The following PUS3 variants were observed in gnomAD, a reference collection of about 807,000 sequenced individuals.
PUS3 encodes the protein pseudouridine synthase 3.
A neutral mutation model predicts 43.3 loss-of-function variants in PUS3; 36 were observed. The ratio of observed to expected loss-of-function variants is 0.83; its 90% CI spans 0.64 to 1.10. The LOEUF is 1.10. Ranked by LOEUF, PUS3 falls within the 50% of genes least tolerant of loss-of-function variation. The probability of loss-of-function intolerance (pLI) is 0.00; values close to 1 mark genes in which losing one functional copy is unlikely to be tolerated. For missense variants in PUS3, 544 were observed against 589.9 expected, an observed-to-expected ratio of 0.92 and a Z score of 0.81; for synonymous variants, 183 against 199.2, an observed-to-expected ratio of 0.92 and a Z score of 0.69.
chr11:125,898,121 T>C (rs963582057), intron 1 of PUS3, among the ~76,000 whole-genome samples: 1 of 152,174 alleles, frequency 6.6e-6, no homozygotes, highest in Non-Finnish European at 1.5e-5. Context: ...CATGTGAATA[T>C]GGAAAATTTC....
Position 125,894,272 on chromosome 11 carries a change from A to T in PUS3, c.959T>A (p.Phe320Tyr). The T allele has an allele frequency of 6.2e-7, 1 of 1,607,332 alleles. No individual in the cohort carries two copies. Among genetic ancestry groups the T allele is most frequent in the Non-Finnish European group, 8.5e-7 (1 of 1,174,838 alleles). ...QKPQYSMAVE[F>Y]PLVLYDCKFE... ...CTTACAGTCATATAAGACTAGAGGA[A>T]ATTCTACAGCCATACTAGAGAAAAA... Residue 320 changes from phenylalanine (F) to tyrosine (Y), a missense_variant, in exon 4 of 4, where the codon TTT becomes TAT. Coordinates refer to ENST00000227474, the MANE Select transcript of PUS3 (RefSeq NM_031307.4).
chr11:125,902,162 C>T (rs576718725), intron 1 of PUS3, among the ~76,000 whole-genome samples: 1 of 152,230 alleles, frequency 6.6e-6, no homozygotes, highest in Admixed American at 6.5e-5. Context: ...ACACCTTACC[C>T]TAATTCAGGG....
At chr11:125,899,276 T>G in intron 1 of PUS3, 1 of 1,122,150 alleles carries the variant, frequency 8.9e-7, no homozygotes, top group Admixed American at 2.0e-5. Context: ...AAAACGGAGA[T>G]AAGGGAATGA....
intron 1 of PUS3, among the ~76,000 whole-genome samples, chr11:125,901,021 A>AG (rs1944757897): frequency 6.6e-6 from 1 of 152,018 alleles, no homozygotes; most frequent in Non-Finnish European, 1.5e-5. Context: ...AAAAAAAAAA[A>AG]AAAAAAGAAG....
At chr11:125,900,494 C>T in intron 1 of PUS3, 1 of 538,652 alleles carries the variant, frequency 1.9e-6, no homozygotes, top group South Asian at 2.1e-5. Flanking sequence ...AGAGAAAGAA[C>T]AACAGACCTG....
chr11:125,901,008 C>CAAAAAAAAAAAAAAAAAAAAGAAAAA (rs10533810), intron 1 of PUS3, among the ~76,000 whole-genome samples: 1 of 125,652 alleles, frequency 8.0e-6, no homozygotes, highest in Non-Finnish European at 1.7e-5. Context: ...GACTCCGTCT[C>CAAAAAAAAAAAAAAAAAAAAGAAAAA]AAAAAAAAAA....
chr11:125,900,389 C>G, intron 1 of PUS3: 1 of 911,548 alleles, frequency 1.1e-6, no homozygotes. Flanking sequence ...AGGACTTCAC[C>G]TATCATTGGT....
Position 125,895,723 on chromosome 11 carries a change from C to G in PUS3, c.445G>C (p.Glu149Gln). The change falls in exon 3 of 4, where the codon GAG becomes CAG. Residue 149 changes from glutamate (E) to glutamine (Q), a missense_variant. By Grantham distance (29) the Glu-to-Gln change is conservative. Transcript: ENST00000227474. ...TCTTCAGCAGCAGCATTAGCCTCCT[C>G]TTTTACATTAAAGTCCTCGGAATCC... ...GRDSEDFNVKEEANAAAEEIR... is the reference protein window; with the variant it reads ...GRDSEDFNVKQEANAAAEEIR... 6.2e-7 allele frequency: 1 copy of G among 1,613,432 alleles called. No individual in the cohort carries two copies. The highest frequency in any genetic ancestry group is 8.5e-7 in the Non-Finnish European group (1 of 1,179,910).
At chr11:125,902,785 A>C (rs1324834448) in intron 1 of PUS3, among the ~76,000 whole-genome samples, 1 of 151,820 alleles carries the variant, frequency 6.6e-6, no homozygotes, top group Non-Finnish European at 1.5e-5. Flanking sequence ...TCCCCAAAAT[A>C]ATTTGAAAAT....
intron 2 of PUS3, 58 bp from the exon 3 acceptor site, chr11:125,895,847 T>G (rs1465364055): frequency 1.3e-6 from 2 of 1,586,028 alleles, no homozygotes; most frequent in African/African-American, 2.7e-5. Context: ...CAGTACTCAG[T>G]GTGTATACCT....
Position 125,900,348 on chromosome 11 carries a change from C to G in PUS3, c.-47+2822G>C, listed in dbSNP as rs115150284. 1,350 of 1,372,028 alleles carry G rather than the reference C, an allele frequency of 9.8e-4. 16 individuals are homozygous for G. The African/African-American group carries it at 0.017, about 18-fold the overall frequency. 85.0% of individuals were successfully genotyped at this position (1,372,028 alleles called of 1,614,324 possible). A position where few individuals can be genotyped will look rare whatever the true frequency, so the allele number is the denominator to read the frequency against. ...TTCCCTTTTAAATAGAAACAACTGT[C>G]TTGAGAAGCTCTTCGAAACATTTTA... On this transcript the variant is annotated intron_variant, in intron 1 of 3. Transcript: ENST00000227474.
At chr11:125,902,599 T>TA (rs55792535) in intron 1 of PUS3, among the ~76,000 whole-genome samples, 11,480 of 117,242 alleles carry the variant, frequency 0.098, 1,394 homozygotes, top group African/African-American at 0.29. Flanking sequence ...GCGACAGTCT[T>TA]AAAAAAAAAA....
chr11:125,900,124 A>T (rs1944720353), intron 1 of PUS3: 1 of 1,614,212 alleles, frequency 6.2e-7, no homozygotes, highest in Non-Finnish European at 8.5e-7. Context: ...CAGAACCCCA[A>T]TCCAAACCTC....
chr11:125,894,133 T>A lies in PUS3; in HGVS notation c.1098A>T (p.Leu366=). The change falls in exon 4 of 4, where the codon CTA becomes CTT. Residue 366 remains leucine (L), a synonymous_variant. Transcript: ENST00000227474. ...AVKTHMLYSM[L]QGLDTVPVPC... is the part of the protein sequence containing the mutation. ...GTACTGGAACAGTGTCCAGTCCTTG[T>A]AGCATACTATACAACATGTGAGTTT... is the stretch of plus-strand genomic sequence containing the variant. 6.2e-7 allele frequency: 1 copy of A among 1,614,180 alleles called. No homozygotes were observed.
intron 3 of PUS3, 29 bp downstream of exon 3, chr11:125,895,195 G>C: frequency 6.6e-7 from 1 of 1,518,768 alleles, no homozygotes. Flanking sequence ...CTACAGGCAT[G>C]TGCCATTTAT....
intron 1 of PUS3, chr11:125,899,024 A>G (rs1944676341): frequency 4.4e-6 from 1 of 227,782 alleles, no homozygotes; most frequent in Non-Finnish European, 8.7e-6. Context: ...TACCTGTTAC[A>G]TAATGTGCAT....
Position 125,895,557 on chromosome 11 carries a change from A to C in PUS3, c.611T>G (p.Leu204Ter), listed in dbSNP as rs751448230. Residue 204 changes from leucine to a stop codon, truncating the protein, a stop_gained, in exon 3 of 4, where the codon TTA (leucine) becomes TGA (stop). Coordinates refer to ENST00000227474, the MANE Select transcript of PUS3 (RefSeq NM_031307.4). LOFTEE classifies it high-confidence loss of function. ...TGCATAATCCATGGTTACAATATCTAAATCAGCACGAGGGAAAAAATAGCG... is the reference window on the plus strand; with the variant it reads ...TGCATAATCCATGGTTACAATATCTCAATCAGCACGAGGGAAAAAATAGCG... Reference protein sequence around the residue: ...TYRYFFPRADLDIVTMDYAAQ... With the variant: ...TYRYFFPRAD 2.5e-6 allele frequency: 4 copies of C among 1,614,102 alleles called. No individual in the cohort carries two copies. Among genetic ancestry groups the C allele is most frequent in the Non-Finnish European group, 3.4e-6 (4 of 1,180,054 alleles).
At position 125,896,073 on chromosome 11, in the gene PUS3, T is replaced by G. The variant is rs761792490; in HGVS notation, c.212A>C (p.Tyr71Ser). 2 of 1,614,246 alleles carry G rather than the reference T, an allele frequency of 1.2e-6. No individual in the cohort carries two copies. The highest frequency in any genetic ancestry group is 1.7e-6 in the Non-Finnish European group (2 of 1,180,036). Residue 71 changes from tyrosine to serine, a missense_variant, in exon 2 of 4, where the codon TAT (tyrosine) becomes TCT (serine). Transcript: ENST00000227474. ...AAAGCCCTGGTATCCCCAGCCCATA[T>G]AGGCTATTCTTAGGGCTACGTGTCT... is the stretch of plus-strand genomic sequence containing the variant. Reference protein sequence around the residue: ...GRRHVALRIAYMGWGYQGFAS... With the variant: ...GRRHVALRIASMGWGYQGFAS...
Position 125,896,012 on chromosome 11 carries a change from C to A in PUS3, c.273G>T (p.Glu91Asp), listed in dbSNP as rs778490543. 4 of 1,614,190 alleles carry A rather than the reference C, an allele frequency of 2.5e-6. No homozygotes were observed. The Admixed American group carries it at 5.0e-5, about 20-fold the overall frequency. The change falls in exon 2 of 4, where the codon GAG becomes GAT. Residue 91 changes from glutamate (E) to aspartate (D), a missense_variant. Glu to Asp is a conservative substitution (Grantham distance 45, BLOSUM62 2). Transcript: ENST00000227474. ...TCTTGGTTAGAGCTTCAAACAGTTT[C>A]TCTTCAATGGTATTATTTGTGTTTT... Reference protein sequence around the residue: ...SQENTNNTIEEKLFEALTKTR... With the variant: ...SQENTNNTIEDKLFEALTKTR...
Sources: gnomAD v4.1 joint callset for allele counts (sites outside exome capture counted in the v4.1 genomes callset) on GRCh38, gnomAD v4.1.1 for gene constraint, MANE v1.5 for transcripts, NCBI Gene and HGNC (gene_info 2026-07-23, HGNC 2026-07-21) for gene names.